Variants in GRM7 observed in about 807,000 individuals in gnomAD.
GRM7 encodes metabotropic glutamate receptor 7.
In GRM7, 35 loss-of-function variants were observed where a neutral mutation model predicts 84.5. The observed-to-expected ratio is 0.41, with a 90% CI of 0.32 to 0.55. The LOEUF is 0.55. GRM7 is among the 20% of genes least tolerant of loss of function. The probability of loss-of-function intolerance (pLI) is 0.19; values close to 1 mark genes in which losing one functional copy is unlikely to be tolerated. For missense variants in GRM7, 1,003 were observed against 1,194.6 expected (o/e 0.84, Z 2.36); for synonymous variants, 487 against 455.1 (o/e 1.07, Z -0.89).
intron 8 of GRM7, among the ~76,000 whole-genome samples, chr3:7,660,623 G>T (rs572473329): frequency 2.6e-5 from 4 of 151,958 alleles, no homozygotes; most frequent in Non-Finnish European, 4.4e-5. Context: ...AATCCCAACA[G>T]GCTTCTTATA....
chr3:6,872,544 TGG>T (rs1695157227), intron 1 of GRM7, among the ~76,000 whole-genome samples: 1 of 152,124 alleles, frequency 6.6e-6, no homozygotes, highest in African/African-American at 2.4e-5. Context: ...ACATGTGCCA[TGG>T]TGGTTTGCTG....
At chr3:7,216,989 T>C (rs1278978084) in intron 2 of GRM7, among the ~76,000 whole-genome samples, 1 of 152,048 alleles carries the variant, frequency 6.6e-6, no homozygotes, top group African/African-American at 2.4e-5. Context: ...ATCACATCAT[T>C]TAGTTTTTTT....
Position 7,145,977 on chromosome 3 carries a change from A to G in GRM7, c.520-475A>G, listed in dbSNP as rs190199801. Reference sequence around the variant, plus strand: ...GATAATGCTTGTGACTTACTTAGCTATTTCCTTGGAGACTATCCACAATCA... The same window carrying G: ...GATAATGCTTGTGACTTACTTAGCTGTTTCCTTGGAGACTATCCACAATCA... On this transcript the variant is annotated intron_variant, in intron 1 of 9. Transcript: ENST00000357716. 2.0e-5 allele frequency among the ~76,000 whole-genome samples: 3 copies of G among 152,274 alleles called. No individual in the cohort carries two copies. The East Asian group carries it at 5.8e-4, about 29-fold the overall frequency.
rs981268656 is a variant in GRM7 at position 7,151,585 on chromosome 3, C to T, written c.736+4917C>T. Among the ~76,000 whole-genome samples the T allele has an allele frequency of 2.0e-5, 3 of 152,136 alleles. No homozygotes were observed. The highest frequency in any genetic ancestry group is 4.4e-5 in the Non-Finnish European group (3 of 68,034). ...CAATTTACTTTAAGCTCCATAAGGG[C>T]AAGGACATTTTCCTGTGTTTCTATT... On this transcript the variant is annotated intron_variant, in intron 2 of 9. Coordinates refer to ENST00000357716, the MANE Select transcript of GRM7 (RefSeq NM_000844.4). The surrounding 1 kb of genome is among the most constrained non-coding windows in gnomAD (Gnocchi z 4.5).
chr3:7,401,301 G>C (rs1339542817), intron 4 of GRM7, among the ~76,000 whole-genome samples: 3 of 152,140 alleles, frequency 2.0e-5, no homozygotes, highest in East Asian at 3.9e-4. Flanking sequence ...CTGGCACTCA[G>C]AGTGCTGCCT....
chr3:6,961,909 TA>T (rs200335380), intron 1 of GRM7, among the ~76,000 whole-genome samples: 17 of 151,514 alleles, frequency 1.1e-4, no homozygotes, highest in East Asian at 1.9e-4. Flanking sequence ...CCATCCCATC[TA>T]AAAAAAAATA....
At chr3:7,071,635 G>C (rs540242223) in intron 1 of GRM7, among the ~76,000 whole-genome samples, 3 of 152,056 alleles carry the variant, frequency 2.0e-5, no homozygotes, top group South Asian at 4.2e-4. Context: ...AACAAGAAAG[G>C]ATATTTTAGT....
chr3:7,385,155 G>C (rs565833738), intron 4 of GRM7, among the ~76,000 whole-genome samples: 1 of 151,588 alleles, frequency 6.6e-6, no homozygotes, highest in Non-Finnish European at 1.5e-5. Flanking sequence ...ATGCATTTCC[G>C]GGAGATTAAG....
At chr3:6,867,250 A>G (rs779751029) in intron 1 of GRM7, among the ~76,000 whole-genome samples, 5 of 152,232 alleles carry the variant, frequency 3.3e-5, no homozygotes, top group Non-Finnish European at 5.9e-5. Context: ...ACTGGCATTC[A>G]TTCAGTGAAA....
intron 8 of GRM7, among the ~76,000 whole-genome samples, chr3:7,636,697 A>C (rs1451097952): frequency 6.6e-6 from 1 of 152,320 alleles, no homozygotes; most frequent in Non-Finnish European, 1.5e-5. Context: ...CCCATAAAGC[A>C]AGTGGGTGTA....
intron 6 of GRM7, among the ~76,000 whole-genome samples, chr3:7,458,084 C>G (rs900180408): frequency 5.9e-5 from 9 of 152,178 alleles, no homozygotes; most frequent in African/African-American, 2.2e-4. Flanking sequence ...GAAAATGTGT[C>G]TAGTAAATAC....
chr3:6,930,657 C>T lies in GRM7; in HGVS notation c.519+68750C>T, dbSNP rs552200392. On this transcript the variant is annotated intron_variant, in intron 1 of 9. Coordinates refer to ENST00000357716, the MANE Select transcript of GRM7 (RefSeq NM_000844.4). ...GAAAAAAACAAACATTTTTGGCAGA[C>T]TGACTCTGGCTTGCTGGGGCTCTGT... is the stretch of plus-strand genomic sequence containing the variant. Among the ~76,000 whole-genome samples the T allele has an allele frequency of 1.2e-3, 181 of 152,244 alleles. 1 individual carries two copies. Among genetic ancestry groups the T allele is most frequent in the African/African-American group, 4.2e-3 (174 of 41,542 alleles).
At chr3:6,864,492 TAGAGGG>T (rs1168495000) in intron 1 of GRM7, among the ~76,000 whole-genome samples, 1 of 152,086 alleles carries the variant, frequency 6.6e-6, no homozygotes, top group African/African-American at 2.4e-5. Flanking sequence ...AAGGCACACT[TAGAGGG>T]AGAGAAAAAG....
intron 5 of GRM7, among the ~76,000 whole-genome samples, chr3:7,428,397 C>G: frequency 6.6e-6 from 1 of 152,062 alleles, no homozygotes; most frequent in Non-Finnish European, 1.5e-5. Context: ...TGATTGTTCA[C>G]CTGCTTTTAA....
intron 1 of GRM7, among the ~76,000 whole-genome samples, chr3:6,922,890 T>C (rs920883062): frequency 1.3e-5 from 2 of 152,224 alleles, no homozygotes; most frequent in South Asian, 2.1e-4. Flanking sequence ...GGATAAAGAA[T>C]GTTGAATAAG....
intron 4 of GRM7, among the ~76,000 whole-genome samples, chr3:7,402,712 T>G (rs946905916): frequency 6.6e-6 from 1 of 152,082 alleles, no homozygotes; most frequent in African/African-American, 2.4e-5. Flanking sequence ...GTCCAAAACA[T>G]TTCTTCTTTT....
chr3:7,396,735 C>T (rs907148760), intron 4 of GRM7, among the ~76,000 whole-genome samples: 1 of 152,080 alleles, frequency 6.6e-6, no homozygotes, highest in African/African-American at 2.4e-5. Context: ...CATAAACCCT[C>T]TTTGTGCATG....
chr3:6,950,514 T>G (rs1692706377), intron 1 of GRM7, among the ~76,000 whole-genome samples: 1 of 152,194 alleles, frequency 6.6e-6, no homozygotes, highest in African/African-American at 2.4e-5. Flanking sequence ...GGGACCCGCT[T>G]GAGGAGCCAG....
chr3:6,865,859 C>G (rs1559293460), intron 1 of GRM7, among the ~76,000 whole-genome samples: 1 of 151,084 alleles, frequency 6.6e-6, no homozygotes, highest in Non-Finnish European at 1.5e-5. Flanking sequence ...CAACTTTAAC[C>G]TACACTTTTT....
Sources: gnomAD v4.1 joint callset for allele counts (sites outside exome capture counted in the v4.1 genomes callset) on GRCh38, gnomAD v4.1.1 for gene constraint, Gnocchi (gnomAD v3.1) non-coding constraint, MANE v1.5 for transcripts, NCBI Gene and HGNC (gene_info 2026-07-23, HGNC 2026-07-21) for gene names.